SYNE1: variants seen among roughly 807,000 people sequenced by gnomAD.
SYNE1 encodes the protein spectrin repeat containing nuclear envelope protein 1, also known as nesprin-1.
A neutral mutation model predicts 1,111.0 loss-of-function variants in SYNE1; 616 were observed. The observed-to-expected ratio is 0.55, with a 90% CI of 0.52 to 0.59. SYNE1 has a LOEUF of 0.59. SYNE1 is among the 20% of genes least tolerant of loss of function. The pLI is 0.00. For missense variants in SYNE1, 10,006 were observed against 10,417.0 expected, an observed-to-expected ratio of 0.96 and a Z score of 1.72; for synonymous variants, 3,855 against 3,825.8, an observed-to-expected ratio of 1.01 and a Z score of -0.28.
intron 58 of SYNE1, among the ~76,000 whole-genome samples, chr6:152,375,156 T>G (rs368101946): frequency 5.9e-5 from 9 of 152,122 alleles, no homozygotes; most frequent in African/African-American, 2.2e-4. Context: ...TTGGCCAGGC[T>G]GGTCTCAAAC....
intron 33 of SYNE1, chr6:152,435,404 A>T (rs1189948696): frequency 6.6e-6 from 1 of 151,966 alleles, no homozygotes; most frequent in Non-Finnish European, 1.5e-5. Flanking sequence ...ATAAACAAAC[A>T]TTAAAAGTTT....
At position 152,450,809 on chromosome 6, in the gene SYNE1, G is replaced by A. The variant is rs1680638977; in HGVS notation, c.3211C>T (p.His1071Tyr). 1.9e-6 allele frequency: 3 copies of A among 1,613,954 alleles called. No homozygotes were observed. The highest frequency in any genetic ancestry group is 1.1e-5 in the South Asian group (1 of 91,084). ...TGTAACCTTTTCTCACAGAGATGAT[G>A]AGGACCTTTGTCACTGAAGAAAACC... is the stretch of plus-strand genomic sequence containing the variant. ...HRVFFSDKGP[H>Y]HLCEKRLQLI... Residue 1071 changes from histidine (H) to tyrosine (Y), a missense_variant, in exon 27 of 146, where the codon CAT becomes TAT. Around this residue, in one of 7 missense-constraint regions of SYNE1, gnomAD observed 1,971 missense variants for 2,084.1 expected, o/e 0.95. Coordinates refer to ENST00000367255, the MANE Select transcript of SYNE1 (RefSeq NM_182961.4).
At chr6:152,392,796 T>C (rs1333628810) in intron 51 of SYNE1, among the ~76,000 whole-genome samples, 1 of 152,222 alleles carries the variant, frequency 6.6e-6, no homozygotes, top group Non-Finnish European at 1.5e-5. Flanking sequence ...AGTTAAATAA[T>C]AATTCAAGAA....
At position 152,604,956 on chromosome 6, in the gene SYNE1, GAAAGAAAGAAA is replaced by G; in HGVS notation, c.67+23298_67+23308del. Among the ~76,000 whole-genome samples the G allele has an allele frequency of 1.3e-4, 2 of 15,128 alleles. 1 individual carries two copies. Among genetic ancestry groups the G allele is most frequent in the African/African-American group, 4.7e-4 (2 of 4,286 alleles). The allele number at this position is 15,128 out of a possible 152,430, so 9.9% of individuals were successfully genotyped here. ...AGACCCTATCTCACAAAGAAAGAAAGAAAGAAAGAAAGAAAGAAAGAAAGAAAGAAAGAAAG... is the reference window on the plus strand; with the variant it reads ...AGACCCTATCTCACAAAGAAAGAAAGGAAAGAAAGAAAGAAAGAAAGAAAG... On this transcript the variant is annotated intron_variant, in intron 3 of 145. Coordinates refer to ENST00000367255, the MANE Select transcript of SYNE1 (RefSeq NM_182961.4).
At position 152,632,268 on chromosome 6, in the gene SYNE1, A is replaced by G. The variant is rs77693229; in HGVS notation, c.-223-3714T>C. ...TTGAATCAAGTTCATAATACTTTAC[A>G]TTTATGAGAAAATCCCCAGAAAACC... On this transcript the variant is annotated intron_variant, in intron 2 of 145. Coordinates refer to ENST00000367255, the MANE Select transcript of SYNE1 (RefSeq NM_182961.4). Among the ~76,000 whole-genome samples, 809 of 152,292 alleles carry G rather than the reference A, an allele frequency of 5.3e-3. 7 individuals are homozygous for G. Among genetic ancestry groups the G allele is most frequent in the African/African-American group, 0.018 (767 of 41,556 alleles).
intron 124 of SYNE1, among the ~76,000 whole-genome samples, chr6:152,210,854 G>T (rs1036699483): frequency 2.0e-5 from 3 of 152,046 alleles, no homozygotes; most frequent in Admixed American, 2.0e-4. Context: ...TTAATAAAGA[G>T]ATAATTTGCT....
intron 3 of SYNE1, among the ~76,000 whole-genome samples, chr6:152,584,740 C>T (rs989010666): frequency 2.6e-5 from 4 of 152,068 alleles, no homozygotes; most frequent in Non-Finnish European, 4.4e-5. Flanking sequence ...AGCAAGTTAA[C>T]GTAATATTTA....
rs1029574549 is a variant in SYNE1, at chr6:152,234,679, T to G, written c.20518A>C (p.Asn6840His). The part of the protein sequence containing the change: ...QELEMVRDHL[N>H]AFLEFSKEVD... ...ATTCTTAGACTTACCAGGAAAGCAT[T>G]TAGATGATCACGGACCATTTCCAGC... Residue 6840 changes from asparagine (N) to histidine (H), a missense_variant, in exon 111 of 146, where the codon AAT (asparagine) becomes CAT (histidine). By Grantham distance (68) the Asn-to-His change is moderately conservative. This residue lies in a region of SYNE1 where 2,182 missense variants were observed against 2,287.8 expected (regional missense o/e 0.95). Transcript: ENST00000367255. The G allele has an allele frequency of 6.2e-7, 1 of 1,614,200 alleles. No homozygotes were observed. The highest frequency in any genetic ancestry group is 1.6e-4 in the Middle Eastern group (1 of 6,062).
intron 121 of SYNE1, among the ~76,000 whole-genome samples, chr6:152,216,272 G>A (rs556288469): frequency 4.6e-5 from 7 of 152,218 alleles, no homozygotes; most frequent in African/African-American, 1.4e-4. Flanking sequence ...CCTTCCCCTC[G>A]TGGCACTTAC....
At chr6:152,346,998 T>C in intron 73 of SYNE1, 61 bp downstream of exon 73, 3 of 1,593,656 alleles carry the variant, frequency 1.9e-6, no homozygotes, top group Non-Finnish European at 2.6e-6. Context: ...AAAAAGTCTC[T>C]AGACTGCACA....
Position 152,409,082 on chromosome 6 carries a change from C to T in SYNE1, c.6526G>A (p.Asp2176Asn), listed in dbSNP as rs751689580. The T allele has an allele frequency of 5.0e-6, 8 of 1,613,886 alleles. No homozygotes were observed. In the Admixed American group the frequency reaches 8.3e-5, roughly 17 times the overall value. Reference protein sequence around the residue: ...LVKTDMESTVDKWLDVSEKLE... With the variant: ...LVKTDMESTVNKWLDVSEKLE... Reference sequence around the variant, plus strand: ...GATTATCTTACATCCAGCCATTTGTCCACGGTGCTCTCCATGTCTGTTTTC... The same window carrying T: ...GATTATCTTACATCCAGCCATTTGTTCACGGTGCTCTCCATGTCTGTTTTC... Residue 2176 changes from aspartate (D) to asparagine (N), a missense_variant, in exon 44 of 146, where the codon GAC (aspartate) becomes AAC (asparagine). Asp to Asn is a conservative substitution (Grantham distance 23). Transcript: ENST00000367255.
At position 152,576,302 on chromosome 6, in the gene SYNE1, T is replaced by C. The variant is rs368997868; in HGVS notation, c.68-36281A>G. Among the ~76,000 whole-genome samples the C allele has an allele frequency of 2.4e-4, 37 of 152,280 alleles. No homozygotes were observed. The South Asian group carries it at 5.8e-3, about 24-fold the overall frequency. ...TACTAGGCATTTACAGCAGAAATACTAGCACATAGCACAGTCTTGGTTTTT... is the reference window on the plus strand; with the variant it reads ...TACTAGGCATTTACAGCAGAAATACCAGCACATAGCACAGTCTTGGTTTTT... On this transcript the variant is annotated intron_variant, in intron 3 of 145. Coordinates refer to ENST00000367255, the MANE Select transcript of SYNE1 (RefSeq NM_182961.4).
intron 87 of SYNE1, among the ~76,000 whole-genome samples, chr6:152,313,961 G>A (rs114812963): frequency 6.6e-6 from 1 of 152,046 alleles, no homozygotes; most frequent in Admixed American, 6.6e-5. Context: ...ACTCCTCCCT[G>A]TCTTTCATCG....
chr6:152,332,976 TC>T (rs1170527128), intron 77 of SYNE1, among the ~76,000 whole-genome samples: 1 of 75,650 alleles, frequency 1.3e-5, no homozygotes, highest in African/African-American at 8.0e-5. Context: ...ACTGGACTAA[TC>T]CCAAAGACGA....
At chr6:152,294,268 C>T in intron 93 of SYNE1, 141 bp from the exon 94 acceptor site, 1 of 816,404 alleles carries the variant, frequency 1.2e-6, no homozygotes, top group Admixed American at 2.3e-5. Flanking sequence ...AATTAGTAAA[C>T]TCTTGTGACA....
At chr6:152,358,579 C>A (rs1470323249) in intron 65 of SYNE1, 42 bp from the exon 66 acceptor site, 1 of 1,599,294 alleles carries the variant, frequency 6.3e-7, no homozygotes, top group Non-Finnish European at 8.6e-7. Flanking sequence ...GAACACATTA[C>A]TTTATAAAGC....
At chr6:152,458,998 T>G in intron 21 of SYNE1, 68 bp from the exon 22 acceptor site, 1 of 1,352,112 alleles carries the variant, frequency 7.4e-7, no homozygotes, top group Non-Finnish European at 1.1e-6. Context: ...GGAACGTTCA[T>G]AGCTCTGAGG....
intron 10 of SYNE1, among the ~76,000 whole-genome samples, chr6:152,500,635 T>C (rs1399130312): frequency 6.6e-6 from 1 of 152,182 alleles, no homozygotes; most frequent in Non-Finnish European, 1.5e-5. Flanking sequence ...TTCTTCTTTA[T>C]ATATGTTTCT....
At chr6:152,133,129 G>T in intron 143 of SYNE1, 147 bp downstream of exon 143, 1 of 758,462 alleles carries the variant, frequency 1.3e-6, no homozygotes, top group Non-Finnish European at 2.2e-6. Flanking sequence ...TTTTTATTTT[G>T]AGACAGGACT....
Sources: gnomAD v4.1 joint callset for allele counts (sites outside exome capture counted in the v4.1 genomes callset) on GRCh38, gnomAD v4.1.1 for gene constraint, gnomAD v4.1.1 regional missense constraint, MANE v1.5 for transcripts, NCBI Gene and HGNC (gene_info 2026-07-23, HGNC 2026-07-21) for gene names.